Variants in EPB41L2 observed in about 807,000 individuals in gnomAD.
EPB41L2 encodes band 4.1-like protein 2.
In EPB41L2, 43 loss-of-function variants were observed where a neutral mutation model predicts 113.0. That is an observed-to-expected ratio of 0.38 (90% CI 0.30 to 0.49). The LOEUF is 0.49. Among genes scored for constraint, EPB41L2 ranks in the 20% least tolerant of loss-of-function variants. The probability of loss-of-function intolerance (pLI) is 0.95; values close to 1 mark genes in which losing one functional copy is unlikely to be tolerated. For synonymous variants in EPB41L2, 442 were observed against 436.7 expected (o/e 1.01, Z -0.15); for missense variants, 1,147 against 1,223.4 (o/e 0.94, Z 0.93).
At chr6:130,872,600 C>G (rs1582924342) in intron 14 of EPB41L2, 1 of 1,127,182 alleles carries the variant, frequency 8.9e-7, no homozygotes, top group East Asian at 6.1e-5. Context: ...ACAGCAGTGA[C>G]CTATTGGAAG....
chr6:130,982,042 C>A (rs1482959045), intron 1 of EPB41L2, among the ~76,000 whole-genome samples: 3 of 150,854 alleles, frequency 2.0e-5, no homozygotes, highest in African/African-American at 7.3e-5. Flanking sequence ...ATTCAGAACA[C>A]TGATTTATTT....
intron 1 of EPB41L2, among the ~76,000 whole-genome samples, chr6:130,975,058 G>A (rs540111177): frequency 1.3e-5 from 2 of 152,176 alleles, no homozygotes; most frequent in African/African-American, 4.8e-5. Flanking sequence ...GTTACTTGAT[G>A]GGTTATTAGC....
At chr6:130,877,867 T>C (rs1252733597) in intron 14 of EPB41L2, among the ~76,000 whole-genome samples, 1 of 152,116 alleles carries the variant, frequency 6.6e-6, no homozygotes, top group East Asian at 1.9e-4. Flanking sequence ...AGTAAAATAG[T>C]GAAATTATCC....
rs1562402304 is a variant in EPB41L2, at chr6:130,890,078, G to T, written c.1660+216C>A. 2.6e-5 allele frequency among the ~76,000 whole-genome samples: 4 copies of T among 151,706 alleles called. No homozygotes were observed. The South Asian group carries it at 8.4e-4, about 32-fold the overall frequency. On this transcript the variant is annotated intron_variant, in intron 11 of 19. Transcript: ENST00000337057. The stretch of plus-strand genomic sequence containing the variant: ...CAACCTGTTTTAAAACAAAAAAAAA[G>T]AAAAAAGTGTGACAGCTTCAAAAAA...
In EPB41L2 at chr6:130,865,589, G is replaced by C; in HGVS notation, c.2776C>G (p.Gln926Glu). 1 of 1,614,172 alleles carries C rather than the reference G, an allele frequency of 6.2e-7. No homozygotes were observed. The highest frequency in any genetic ancestry group is 1.1e-5 in the South Asian group (1 of 91,084). The change falls in exon 17 of 20, where the codon CAA becomes GAA. Residue 926 changes from glutamine to glutamate, a missense_variant. Physicochemically the swap from Gln to Glu is conservative, Grantham distance 29. Transcript: ENST00000337057. ...GACACGGACTCAGATGTGATGGTTTGTGCGGTCAGTAACGTGCCCGAATCA... is the reference window on the plus strand; with the variant it reads ...GACACGGACTCAGATGTGATGGTTTCTGCGGTCAGTAACGTGCCCGAATCA... ...GGDSGTLLTA[Q>E]TITSESVSTT...
At chr6:130,892,281 T>C (rs1379639039) in intron 10 of EPB41L2, among the ~76,000 whole-genome samples, 1 of 149,854 alleles carries the variant, frequency 6.7e-6, no homozygotes, top group African/African-American at 2.4e-5. Flanking sequence ...CACCGATCTC[T>C]AAGCATCAGT....
chr6:130,875,968 G>A (rs1245442581), intron 14 of EPB41L2, among the ~76,000 whole-genome samples: 2 of 146,048 alleles, frequency 1.4e-5, no homozygotes, highest in African/African-American at 2.5e-5. Flanking sequence ...CCGGGCGAAT[G>A]TGCAAGAGTG....
At chr6:130,914,367 T>C (rs1005568501) in intron 4 of EPB41L2, among the ~76,000 whole-genome samples, 3 of 152,222 alleles carry the variant, frequency 2.0e-5, no homozygotes, top group Non-Finnish European at 4.4e-5. Context: ...TATATGAATA[T>C]TTCTACCCAC....
chr6:131,028,431 C>T (rs1373871320), intron 1 of EPB41L2, among the ~76,000 whole-genome samples: 1 of 152,114 alleles, frequency 6.6e-6, no homozygotes, highest in Non-Finnish European at 1.5e-5. Context: ...ATGTCTGGTG[C>T]TCGGGACATA....
chr6:130,864,409 T>C (rs912527382), intron 17 of EPB41L2, among the ~76,000 whole-genome samples: 1 of 152,222 alleles, frequency 6.6e-6, no homozygotes, highest in Non-Finnish European at 1.5e-5. Context: ...TAAGTAGTCA[T>C]ACACGTAGAC....
At chr6:131,061,445 A>T (rs1292306185) in intron 1 of EPB41L2, among the ~76,000 whole-genome samples, 1 of 152,204 alleles carries the variant, frequency 6.6e-6, no homozygotes, top group Non-Finnish European at 1.5e-5. Context: ...GACAGGTGAC[A>T]CAGCATAGCT....
chr6:130,958,922 G>A (rs1258525242), intron 1 of EPB41L2, among the ~76,000 whole-genome samples: 1 of 152,214 alleles, frequency 6.6e-6, no homozygotes, highest in African/African-American at 2.4e-5. Flanking sequence ...CAACCTGGCT[G>A]TAAAGCACAG....
At chr6:130,936,633 T>G (rs1166513261) in intron 3 of EPB41L2, among the ~76,000 whole-genome samples, 1 of 152,172 alleles carries the variant, frequency 6.6e-6, no homozygotes, top group Admixed American at 6.5e-5. Flanking sequence ...GCATACGACT[T>G]AAGTATTTTC....
chr6:130,863,308 G>A (rs192656365), intron 18 of EPB41L2, among the ~76,000 whole-genome samples: 2 of 152,272 alleles, frequency 1.3e-5, no homozygotes, highest in African/African-American at 4.8e-5. Context: ...GGAAACTGGT[G>A]CATTGAACTG....
rs773976530 is a variant in EPB41L2 at position 130,890,365 on chromosome 6, G to T, written c.1589C>A (p.Thr530Asn). 4 of 1,613,654 alleles carry T rather than the reference G, an allele frequency of 2.5e-6. No individual in the cohort carries two copies. The African/African-American group carries it at 4.0e-5, about 16-fold the overall frequency. ...GTGTGGTGCTGGCCTATCTATGAGG[G>T]TGCTGGCCTGGCGGGTCTGTGCTTG... is the stretch of plus-strand genomic sequence containing the variant. ...RTQAQTRQAS[T>N]LIDRPAPHFE... Residue 530 changes from threonine to asparagine, a missense_variant, in exon 11 of 20, where the codon ACC becomes AAC. Physicochemically the swap from Thr to Asn is moderately conservative, Grantham distance 65. Transcript: ENST00000337057.
intron 1 of EPB41L2, among the ~76,000 whole-genome samples, chr6:131,040,976 C>G (rs769855435): frequency 1.3e-5 from 2 of 152,090 alleles, no homozygotes; most frequent in African/African-American, 2.4e-5. Context: ...AGTTCACCGT[C>G]ATGAAAAGGG....
intron 1 of EPB41L2, among the ~76,000 whole-genome samples, chr6:131,043,651 T>G (rs183385376): frequency 4.1e-4 from 62 of 152,292 alleles, no homozygotes; most frequent in African/African-American, 1.5e-3. Context: ...ACAATCGCAA[T>G]GTATGTACCT....
At chr6:130,918,967 T>C (rs564192816) in intron 4 of EPB41L2, among the ~76,000 whole-genome samples, 2 of 152,020 alleles carry the variant, frequency 1.3e-5, no homozygotes, top group East Asian at 3.9e-4. Flanking sequence ...AGAATAAGAG[T>C]TGTTTTGCCT....
chr6:130,999,019 G>A (rs75516259), intron 1 of EPB41L2, among the ~76,000 whole-genome samples: 2,467 of 152,182 alleles, frequency 0.016, 67 homozygotes, highest in African/African-American at 0.056. Context: ...AAGAGCCACT[G>A]TCTCCAGGCT....
Sources: gnomAD v4.1 joint callset for allele counts (sites outside exome capture counted in the v4.1 genomes callset) on GRCh38, gnomAD v4.1.1 for gene constraint, MANE v1.5 for transcripts, NCBI Gene and HGNC (gene_info 2026-07-23, HGNC 2026-07-21) for gene names.